The following LRP1B variants were observed in gnomAD, a reference collection of about 807,000 sequenced individuals.
LRP1B encodes the protein low-density lipoprotein receptor-related protein 1B.
LRP1B carries 217 observed loss-of-function variants against 556.6 expected under a neutral mutation model. The ratio of observed to expected loss-of-function variants is 0.39; its 90% confidence interval spans 0.35 to 0.44. The LOEUF is 0.44. LRP1B is among the 20% of genes least tolerant of loss of function. The pLI is 1.00. For missense variants in LRP1B, 5,053 were observed against 5,620.8 expected (o/e 0.90, Z 3.23); for synonymous variants, 2,047 against 1,865.8 (o/e 1.10, Z -2.50).
At chr2:141,136,278 A>C (rs1248105753) in intron 7 of LRP1B, among the ~76,000 whole-genome samples, 1 of 151,854 alleles carries the variant, frequency 6.6e-6, no homozygotes, top group Non-Finnish European at 1.5e-5. Flanking sequence ...CATAGGTAAA[A>C]AGTCACCCTG....
chr2:140,951,249 CT>C (rs1410846142), intron 19 of LRP1B, among the ~76,000 whole-genome samples: 1 of 152,050 alleles, frequency 6.6e-6, no homozygotes, highest in East Asian at 1.9e-4. Flanking sequence ...TATATTTGTA[CT>C]TGGAAACTGT....
chr2:140,922,829 A>T, intron 21 of LRP1B, 136 bp downstream of exon 21: 1 of 623,644 alleles, frequency 1.6e-6, no homozygotes, highest in Non-Finnish European at 2.7e-6. Context: ...AATGTTAACT[A>T]CTATTATTAT....
At chr2:140,967,379 A>G (rs2105323977) in intron 18 of LRP1B, among the ~76,000 whole-genome samples, 1 of 151,466 alleles carries the variant, frequency 6.6e-6, no homozygotes, top group South Asian at 2.1e-4. Context: ...TGATTTTTGT[A>G]CATTGATTTT....
At chr2:140,638,035 T>G (rs1684132018) in intron 41 of LRP1B, among the ~76,000 whole-genome samples, 2 of 152,232 alleles carry the variant, frequency 1.3e-5, no homozygotes, top group Non-Finnish European at 2.9e-5. Flanking sequence ...CATGATATTA[T>G]AGTTTTAAAA....
chr2:142,079,497 CTCTT>C (rs1376930582), intron 1 of LRP1B, among the ~76,000 whole-genome samples: 1 of 66,474 alleles, frequency 1.5e-5, no homozygotes, highest in Non-Finnish European at 3.8e-5. Flanking sequence ...TTCTTTCTTT[CTCTT>C]TTTTTTTATT....
At chr2:140,456,423 C>T (rs1687108985) in intron 62 of LRP1B, 32 bp downstream of exon 62, 1 of 1,603,442 alleles carries the variant, frequency 6.2e-7, no homozygotes, top group Non-Finnish European at 8.5e-7. Context: ...TCACCATACA[C>T]TCTATAATAA....
intron 11 of LRP1B, among the ~76,000 whole-genome samples, chr2:141,039,924 G>T (rs1698647009): frequency 6.6e-6 from 1 of 152,046 alleles, no homozygotes; most frequent in South Asian, 2.1e-4. Context: ...CAGACTAAAT[G>T]TGAAACTGAA....
At chr2:141,089,318 C>A (rs1700121260) in intron 7 of LRP1B, among the ~76,000 whole-genome samples, 1 of 152,174 alleles carries the variant, frequency 6.6e-6, no homozygotes, top group African/African-American at 2.4e-5. Context: ...CCTTTTCCAC[C>A]AGGCAAAATT....
intron 59 of LRP1B, among the ~76,000 whole-genome samples, chr2:140,484,198 C>T (rs1688370619): frequency 6.6e-6 from 1 of 152,020 alleles, no homozygotes; most frequent in Admixed American, 6.6e-5. Flanking sequence ...TTAAAATGAG[C>T]ACATTACCTT....
At chr2:140,518,865 G>A (rs13406810) in intron 49 of LRP1B, among the ~76,000 whole-genome samples, 9 of 152,146 alleles carry the variant, frequency 5.9e-5, no homozygotes, top group African/African-American at 1.9e-4. Flanking sequence ...ATACAATCAC[G>A]TCATCTGCAA....
intron 5 of LRP1B, among the ~76,000 whole-genome samples, chr2:141,240,699 A>G (rs113455383): frequency 0.028 from 4,214 of 152,198 alleles, 89 homozygotes; most frequent in Admixed American, 0.052. Context: ...ACATGATAGA[A>G]ATTTCTGCCT....
rs1491148843 is a variant in LRP1B at position 140,766,844 on chromosome 2, T to TATATATATA, written c.5758+2368_5758+2369insTATATATAT. Reference sequence around the variant, plus strand: ...TAAAATATATATATATATATATATATTATATATATATATATATATATAATA... The same window carrying TATATATATA: ...TAAAATATATATATATATATATATATATATATATATATATATATATATATATATATAATA... On this transcript the variant is annotated intron_variant, in intron 35 of 90. Transcript: ENST00000389484. 1.4e-3 allele frequency among the ~76,000 whole-genome samples: 76 copies of TATATATATA among 54,908 alleles called. 2 individuals are homozygous for TATATATATA. Among genetic ancestry groups the TATATATATA allele is most frequent in the East Asian group, 9.9e-3 (17 of 1,716 alleles). The allele number at this position is 54,908 out of a possible 152,430, so 36.0% of individuals were successfully genotyped here. A position where few individuals can be genotyped will look rare whatever the true frequency, so the allele number is the denominator to read the frequency against.
At chr2:140,741,259 C>T (rs564300297) in intron 35 of LRP1B, among the ~76,000 whole-genome samples, 1 of 152,184 alleles carries the variant, frequency 6.6e-6, no homozygotes, top group South Asian at 2.1e-4. Context: ...TCATTTCACC[C>T]CCAACCCAAA....
chr2:140,982,020 G>C, intron 18 of LRP1B, 140 bp downstream of exon 18: 1 of 603,722 alleles, frequency 1.7e-6, no homozygotes, highest in South Asian at 2.4e-5. Flanking sequence ...AGGTCCAAAA[G>C]TTTGTAACAA....
At chr2:140,908,363 A>AT (rs1694316887) in intron 21 of LRP1B, among the ~76,000 whole-genome samples, 3 of 41,378 alleles carry the variant, frequency 7.3e-5, no homozygotes, top group African/African-American at 2.5e-4. Context: ...TTATATTTAT[A>AT]TAATATATAT....
intron 30 of LRP1B, 104 bp downstream of exon 30, chr2:140,840,814 G>T: frequency 2.6e-6 from 2 of 774,770 alleles, no homozygotes; most frequent in Non-Finnish European, 3.9e-6. Context: ...AACTCTTATG[G>T]CTGTTATATA....
At chr2:141,108,555 G>A (rs535927874) in intron 7 of LRP1B, among the ~76,000 whole-genome samples, 80 of 151,708 alleles carry the variant, frequency 5.3e-4, no homozygotes, top group African/African-American at 1.5e-3. Context: ...TCACCATGTT[G>A]GCCAGGCTGG....
At chr2:141,037,614 G>T (rs1698571171) in intron 11 of LRP1B, among the ~76,000 whole-genome samples, 1 of 151,958 alleles carries the variant, frequency 6.6e-6, no homozygotes, top group Admixed American at 6.6e-5. Context: ...GTATATTGGG[G>T]CAAAAGGCTC....
At chr2:141,798,465 C>T (rs909918799) in intron 2 of LRP1B, among the ~76,000 whole-genome samples, 7 of 151,786 alleles carry the variant, frequency 4.6e-5, no homozygotes, top group African/African-American at 1.7e-4. Context: ...CCCAGCACTT[C>T]TGGGGGGCCG....
Sources: gnomAD v4.1 joint callset for allele counts (sites outside exome capture counted in the v4.1 genomes callset) on GRCh38, gnomAD v4.1.1 for gene constraint, MANE v1.5 for transcripts, NCBI Gene and HGNC (gene_info 2026-07-23, HGNC 2026-07-21) for gene names.